Variants in RNF220 observed in about 807,000 individuals in gnomAD.
RNF220 encodes the protein ring finger protein 220.
In RNF220, 7 loss-of-function variants were observed where a neutral mutation model predicts 67.1. The observed-to-expected ratio is 0.10, with a 90% CI of 0.06 to 0.20. The LOEUF is 0.20. Among genes scored for constraint, RNF220 ranks in the 10% least tolerant of loss-of-function variants. RNF220 has a pLI of 1.00. For synonymous variants in RNF220, 270 were observed against 283.2 expected, an observed-to-expected ratio of 0.95 and a Z score of 0.47; for missense variants, 565 against 740.3, an observed-to-expected ratio of 0.76 and a Z score of 2.75.
At chr1:44,536,863 C>T (rs1034426613) in intron 2 of RNF220, among the ~76,000 whole-genome samples, 3 of 152,042 alleles carry the variant, frequency 2.0e-5, no homozygotes, top group African/African-American at 7.2e-5. Context: ...TACTAATGAG[C>T]AGTTATATAT....
chr1:44,613,593 A>T (rs997749156), intron 2 of RNF220, among the ~76,000 whole-genome samples: 6 of 152,230 alleles, frequency 3.9e-5, no homozygotes, highest in East Asian at 3.8e-4. Flanking sequence ...CTCTATAAAA[A>T]AAATAAATAA....
chr1:44,590,970 T>C lies in RNF220; in HGVS notation c.626-23195T>C, dbSNP rs78710699. Among the ~76,000 whole-genome samples the C allele has an allele frequency of 7.5e-3, 1,136 of 152,138 alleles. 3 individuals are homozygous for C. The highest frequency in any genetic ancestry group is 0.027 in the Middle Eastern group (8 of 294). The stretch of plus-strand genomic sequence containing the variant: ...TTTTGTTTTGTTTTTTGCTGTTTGG[T>C]TTTTCTTTGAGATGGAGTTTCGCTC... On this transcript the variant is annotated intron_variant, in intron 2 of 14. Coordinates refer to ENST00000361799, the MANE Select transcript of RNF220 (RefSeq NM_018150.4).
chr1:44,565,247 A>G lies in RNF220; in HGVS notation c.626-48918A>G, dbSNP rs1339064679. ...CAGTTCACCACTGAACCAGGAGAAT[A>G]AGGCCAGTTGGGTACCAATCTGGAA... On this transcript the variant is annotated intron_variant, in intron 2 of 14. Coordinates refer to ENST00000361799, the MANE Select transcript of RNF220 (RefSeq NM_018150.4). This position sits in a 1 kb window ranked among gnomAD's most constrained non-coding sequence, Gnocchi z 4.2. Among the ~76,000 whole-genome samples the G allele has an allele frequency of 2.7e-5, 4 of 149,716 alleles. No individual in the cohort carries two copies. In the East Asian group the frequency reaches 8.1e-4, roughly 30 times the overall value.
rs1366936643 is a variant in RNF220, at chr1:44,621,327, G to A, written c.759-1415G>A. 6.6e-6 allele frequency among the ~76,000 whole-genome samples: 1 copy of A among 152,216 alleles called. No individual in the cohort carries two copies. Among genetic ancestry groups the A allele is most frequent in the East Asian group, 1.9e-4 (1 of 5,196 alleles). ...CTGGTTATATCTGTGCCTGTTGGCAGAATTATAGAAAGTCTATGGGTATAT... is the reference window on the plus strand; with the variant it reads ...CTGGTTATATCTGTGCCTGTTGGCAAAATTATAGAAAGTCTATGGGTATAT... On this transcript the variant is annotated intron_variant, in intron 3 of 14. Transcript: ENST00000361799. The surrounding 1 kb of genome is among the most constrained non-coding windows in gnomAD (Gnocchi z 4.8).
chr1:44,613,424 A>G (rs1643402272), intron 2 of RNF220, among the ~76,000 whole-genome samples: 1 of 152,236 alleles, frequency 6.6e-6, no homozygotes, highest in Non-Finnish European at 1.5e-5. Flanking sequence ...GCCACAGAGC[A>G]TTGTGTGTCT....
chr1:44,414,954 A>G (rs1395158570), intron 2 of RNF220, among the ~76,000 whole-genome samples: 1 of 150,582 alleles, frequency 6.6e-6, no homozygotes, highest in Non-Finnish European at 1.5e-5. Context: ...AATAAAAAAC[A>G]AAGGTGCAAA....
intron 2 of RNF220, among the ~76,000 whole-genome samples, chr1:44,481,771 A>T (rs1655836451): frequency 6.6e-6 from 1 of 152,236 alleles, no homozygotes; most frequent in Non-Finnish European, 1.5e-5. Context: ...TTGAGAGAAG[A>T]TAGCAGTGCA....
In RNF220 at chr1:44,650,745, G is replaced by T. The variant is rs775604618; in HGVS notation, c.1671G>T (p.Ala557=). The stretch of plus-strand genomic sequence containing the variant: ...GCCCTCAGTGCAACACGATCACAGC[G>T]CCCGGAGACCTGCGGAGGATCTACT... ...KLCPQCNTIT[A]PGDLRRIYL Residue 557 remains alanine, a synonymous_variant, in exon 15 of 15, where the codon GCG becomes GCT. Transcript: ENST00000361799. This position sits in a 1 kb window ranked among gnomAD's most constrained non-coding sequence, Gnocchi z 4.3. 1.2e-6 allele frequency: 2 copies of T among 1,613,910 alleles called. No homozygotes were observed. The highest frequency in any genetic ancestry group is 1.7e-6 in the Non-Finnish European group (2 of 1,179,974).
At chr1:44,643,205 G>A (rs41269049) in intron 8 of RNF220, 2,663 of 152,400 alleles carry the variant, frequency 0.017, 38 homozygotes, top group Non-Finnish European at 0.027. Flanking sequence ...GATTGGTGGT[G>A]TCTTTGTGAG....
chr1:44,587,510 T>C (rs1190716676), intron 2 of RNF220, among the ~76,000 whole-genome samples: 1 of 152,060 alleles, frequency 6.6e-6, no homozygotes, highest in Non-Finnish European at 1.5e-5. Flanking sequence ...AAGGAGGGGG[T>C]GGAAAGAGAT....
At chr1:44,447,736 T>C (rs1652248170) in intron 2 of RNF220, among the ~76,000 whole-genome samples, 1 of 152,014 alleles carries the variant, frequency 6.6e-6, no homozygotes, top group Non-Finnish European at 1.5e-5. Context: ...AAAACCGGAG[T>C]TTAGAGAAGG....
intron 2 of RNF220, among the ~76,000 whole-genome samples, chr1:44,445,845 A>G (rs1028364481): frequency 2.6e-5 from 4 of 152,092 alleles, no homozygotes; most frequent in East Asian, 3.8e-4. Context: ...CTTTCAAGCC[A>G]TGGGAAGCCC....
intron 2 of RNF220, among the ~76,000 whole-genome samples, chr1:44,516,718 A>G (rs909138829): frequency 8.5e-5 from 13 of 152,118 alleles, no homozygotes; most frequent in Admixed American, 8.5e-4. Context: ...GTTTTACATG[A>G]TCTCATTTCA....
chr1:44,545,065 C>T (rs950311381), intron 2 of RNF220, among the ~76,000 whole-genome samples: 4 of 152,238 alleles, frequency 2.6e-5, no homozygotes, highest in African/African-American at 4.8e-5. Context: ...GAGGAGCTTA[C>T]GCCGTAGTTC....
chr1:44,579,423 C>T (rs1235175714), intron 2 of RNF220, among the ~76,000 whole-genome samples: 3 of 152,136 alleles, frequency 2.0e-5, no homozygotes, highest in Non-Finnish European at 4.4e-5. Flanking sequence ...TAATCTCTCC[C>T]TAGACTTGGA....
chr1:44,651,488 C>G lies in RNF220; in HGVS notation c.*713C>G, dbSNP rs941310036. ...GGGGGGTAGAGGCAGGAAATGGGAA[C>G]CGAGCTGAAGCAGAGGCTGAGTTAG... On this transcript the variant is annotated 3_prime_UTR_variant, in exon 15 of 15. Coordinates refer to ENST00000361799, the MANE Select transcript of RNF220 (RefSeq NM_018150.4). 3.3e-5 allele frequency: 5 copies of G among 152,962 alleles called. No homozygotes were observed. Among genetic ancestry groups the G allele is most frequent in the African/African-American group, 1.2e-4 (5 of 41,444 alleles). The allele number at this position is 152,962 out of a possible 1,614,324, so 9.5% of individuals were successfully genotyped here. A position where few individuals can be genotyped will look rare whatever the true frequency, so the allele number is the denominator to read the frequency against.
At chr1:44,615,745 G>A (rs1006795656) in intron 3 of RNF220, among the ~76,000 whole-genome samples, 1 of 152,216 alleles carries the variant, frequency 6.6e-6, no homozygotes. Context: ...TTCCTCAGAA[G>A]GTAAGGCCTG....
intron 2 of RNF220, chr1:44,419,583 A>G (rs1460152616): frequency 6.6e-6 from 1 of 152,208 alleles, no homozygotes. Context: ...TTCATTGCAT[A>G]TTGAATACCT....
chr1:44,626,237 C>A, intron 4 of RNF220, 60 bp from the exon 5 acceptor site: 2 of 1,323,736 alleles, frequency 1.5e-6, no homozygotes, highest in Non-Finnish European at 2.2e-6. Context: ...ACTGGGAACT[C>A]TAGGGACTGA....
Sources: gnomAD v4.1 joint callset for allele counts (sites outside exome capture counted in the v4.1 genomes callset) on GRCh38, gnomAD v4.1.1 for gene constraint, Gnocchi (gnomAD v3.1) non-coding constraint, MANE v1.5 for transcripts, NCBI Gene and HGNC (gene_info 2026-07-23, HGNC 2026-07-21) for gene names.